CEP112: variants seen among roughly 807,000 people sequenced by gnomAD.
CEP112 encodes the protein centrosomal protein 112, also known as centrosomal protein of 112 kDa.
CEP112 carries 127 observed loss-of-function variants against 153.0 expected under a neutral mutation model. That is an observed-to-expected ratio of 0.83 (90% confidence interval 0.72 to 0.96). The LOEUF (loss-of-function observed/expected upper bound fraction) is 0.96. Ranked by LOEUF, CEP112 falls within the 40% of genes least tolerant of loss-of-function variation. CEP112 has a pLI of 0.00. For missense variants in CEP112, 1,089 were observed against 1,101.2 expected (o/e 0.99, Z 0.16); for synonymous variants, 358 against 374.4 (o/e 0.96, Z 0.51).
At chr17:65,925,122 A>G (rs1159716378) in intron 19 of CEP112, among the ~76,000 whole-genome samples, 1 of 152,172 alleles carries the variant, frequency 6.6e-6, no homozygotes, top group African/African-American at 2.4e-5. Context: ...GAGATAATTA[A>G]ATCATGGGGG....
intron 21 of CEP112, among the ~76,000 whole-genome samples, chr17:65,846,628 G>C (rs2057734059): frequency 6.6e-6 from 1 of 152,140 alleles, no homozygotes; most frequent in Non-Finnish European, 1.5e-5. Flanking sequence ...AAGCACAGTG[G>C]CGCAATCTCG....
chr17:66,082,864 ATTAATT>A (rs2067776870), intron 8 of CEP112, among the ~76,000 whole-genome samples: 1 of 151,730 alleles, frequency 6.6e-6, no homozygotes, highest in Non-Finnish European at 1.5e-5. Flanking sequence ...TAATATTAAT[ATTAATT>A]AGTAAATTAG....
At chr17:65,821,815 G>C (rs1368505278) in intron 21 of CEP112, among the ~76,000 whole-genome samples, 2 of 150,944 alleles carry the variant, frequency 1.3e-5, no homozygotes, top group Non-Finnish European at 3.0e-5. Context: ...GCCTCCCAAA[G>C]TGCTGGGATT....
Position 66,068,706 on chromosome 17 carries a change from T to C in CEP112, c.855+1209A>G, listed in dbSNP as rs193168030. ...AAAGAGAAATTGCTGGAAAGAATTT[T>C]ATTATTAAATATGTTACTTTGAGTA... On this transcript the variant is annotated intron_variant, in intron 9 of 26. Coordinates refer to ENST00000535342, the MANE Select transcript of CEP112 (RefSeq NM_001199165.4). Among the ~76,000 whole-genome samples, 846 of 152,324 alleles carry C rather than the reference T, an allele frequency of 5.6e-3. 12 individuals are homozygous for C. The highest frequency in any genetic ancestry group is 0.019 in the African/African-American group (793 of 41,578).
In CEP112 at chr17:66,034,976, G is replaced by GTGTGTGTGTGTGTGTGTGTGTATA. The variant is rs1255011364; in HGVS notation, c.1219-4954_1219-4953insTATACACACACACACACACACACA. ...ACCATGCCCAGCTAAGTTTTTGCAT[G>GTGTGTGTGTGTGTGTGTGTGTATA]TATATATATATATATACATATATAT... On this transcript the variant is annotated intron_variant, in intron 12 of 26. Transcript: ENST00000535342. Among the ~76,000 whole-genome samples the GTGTGTGTGTGTGTGTGTGTGTATA allele has an allele frequency of 1.1e-3, 15 of 13,438 alleles. 2 individuals carry two copies. Among genetic ancestry groups the GTGTGTGTGTGTGTGTGTGTGTATA allele is most frequent in the East Asian group, 6.7e-3 (2 of 300 alleles). 8.8% of individuals were successfully genotyped at this position (13,438 alleles called of 152,430 possible). A position where few individuals can be genotyped will look rare whatever the true frequency, so the allele number is the denominator to read the frequency against.
chr17:65,969,806 T>C (rs1426888084), intron 17 of CEP112, among the ~76,000 whole-genome samples: 1 of 150,366 alleles, frequency 6.7e-6, no homozygotes, highest in Non-Finnish European at 1.5e-5. Flanking sequence ...GCATCACATG[T>C]ATATTACCTG....
chr17:65,871,059 A>C (rs1437812679), intron 20 of CEP112, among the ~76,000 whole-genome samples: 1 of 152,196 alleles, frequency 6.6e-6, no homozygotes, highest in African/African-American at 2.4e-5. Context: ...TGTCATTCAG[A>C]ACACACTAAT....
intron 4 of CEP112, among the ~76,000 whole-genome samples, chr17:66,174,242 G>C (rs556775457): frequency 1.3e-5 from 2 of 152,074 alleles, no homozygotes; most frequent in Non-Finnish European, 2.9e-5. Context: ...TATCTTTTTC[G>C]ACCATAATAT....
chr17:65,642,820 A>T (rs1198042790), intron 24 of CEP112, among the ~76,000 whole-genome samples: 4 of 151,554 alleles, frequency 2.6e-5, no homozygotes, highest in Admixed American at 2.0e-4. Context: ...TATATTGACT[A>T]TTTTTTTTTC....
At chr17:65,687,235 C>T (rs947221894) in intron 24 of CEP112, among the ~76,000 whole-genome samples, 7 of 139,828 alleles carry the variant, frequency 5.0e-5, no homozygotes, top group South Asian at 4.6e-4. Context: ...GGCGTGATCT[C>T]GGCTCACTGC....
At position 66,132,703 on chromosome 17, in the gene CEP112, T is replaced by C. The variant is rs1380267299; in HGVS notation, c.531A>G (p.Arg177=). The C allele has an allele frequency of 6.2e-7, 1 of 1,613,786 alleles. No homozygotes were observed. The highest frequency in any genetic ancestry group is 8.5e-7 in the Non-Finnish European group (1 of 1,179,646). ...VRSHSLSPTH[R]EDGQNITPKI... ...TTGGGGTAATATTTTGTCCATCTTC[T>C]CTGTGAGTTGGACTCAAGGAGTGTG... is the stretch of plus-strand genomic sequence containing the variant. The change falls in exon 5 of 27, where the codon AGA becomes AGG. Residue 177 remains arginine, a synonymous_variant. Coordinates refer to ENST00000535342, the MANE Select transcript of CEP112 (RefSeq NM_001199165.4).
intron 21 of CEP112, among the ~76,000 whole-genome samples, chr17:65,835,806 A>C (rs557265088): frequency 6.6e-6 from 1 of 152,346 alleles, no homozygotes; most frequent in South Asian, 2.1e-4. Context: ...AAAACAAGAA[A>C]ACAGACACAT....
intron 21 of CEP112, among the ~76,000 whole-genome samples, chr17:65,770,614 CT>C (rs2053288618): frequency 6.6e-6 from 1 of 151,988 alleles, no homozygotes. Context: ...GTTAAAATTT[CT>C]TTAAAAGACA....
chr17:66,044,091 C>T (rs1004252030), intron 12 of CEP112, among the ~76,000 whole-genome samples: 8 of 152,110 alleles, frequency 5.3e-5, no homozygotes, highest in Non-Finnish European at 1.2e-4. Flanking sequence ...TTTTAAAATT[C>T]AACTTTCATT....
chr17:65,906,611 T>C lies in CEP112; in HGVS notation c.1981-4277A>G, dbSNP rs372333131. Among the ~76,000 whole-genome samples, 50 of 152,288 alleles carry C rather than the reference T, an allele frequency of 3.3e-4. 1 individual carries two copies. In the South Asian group the frequency reaches 9.9e-3, roughly 30 times the overall value. On this transcript the variant is annotated intron_variant, in intron 19 of 26. Coordinates refer to ENST00000535342, the MANE Select transcript of CEP112 (RefSeq NM_001199165.4). ...AGTGAATTTATATTTATTTAAAATT[T>C]AGGGGTTTTCCCCATATTATTCTAC...
At chr17:65,776,452 C>T (rs749671713) in intron 21 of CEP112, among the ~76,000 whole-genome samples, 1 of 152,172 alleles carries the variant, frequency 6.6e-6, no homozygotes, top group African/African-American at 2.4e-5. Flanking sequence ...GTCTCGATCT[C>T]CTGACCTCGT....
chr17:65,746,165 C>CAAAAAA (rs56361589), intron 22 of CEP112, among the ~76,000 whole-genome samples: 339 of 48,560 alleles, frequency 7.0e-3, no homozygotes, highest in Non-Finnish European at 9.5e-3. Context: ...AACTCCATCT[C>CAAAAAA]AAAAAAAAAA....
intron 2 of CEP112, 132 bp downstream of exon 2, chr17:66,183,062 T>C (rs1230391464): frequency 3.1e-5 from 19 of 604,966 alleles, no homozygotes; most frequent in Non-Finnish European, 4.8e-5. Flanking sequence ...GTGTAAACAG[T>C]CCTATGTCAA....
At chr17:65,723,051 C>A (rs2049980373) in intron 23 of CEP112, among the ~76,000 whole-genome samples, 1 of 152,212 alleles carries the variant, frequency 6.6e-6, no homozygotes, top group South Asian at 2.1e-4. Flanking sequence ...TCTAACCAAA[C>A]ACCATACAGT....
Sources: allele counts gnomAD v4.1 joint callset (sites outside exome capture counted in the v4.1 genomes callset), GRCh38; gene constraint gnomAD v4.1.1; transcripts MANE v1.5; gene names NCBI Gene and HGNC (gene_info 2026-07-23, HGNC 2026-07-21).